The following KRABD5 variants were observed in gnomAD, a reference collection of about 807,000 sequenced individuals.
KRABD5 encodes KRAB domain containing 5.
At chr16:31,736,442 T>C in the KRABD5 span, among the ~76,000 whole-genome samples, 1 of 151,160 alleles carries the variant, frequency 6.6e-6, no homozygotes, top group East Asian at 1.9e-4. Flanking sequence ...TTGTGAAGAA[T>C]GTCATTGGTA....
the KRABD5 span, among the ~76,000 whole-genome samples, chr16:31,739,782 A>G: frequency 6.6e-6 from 1 of 152,302 alleles, no homozygotes; most frequent in East Asian, 1.9e-4. Flanking sequence ...CATGTTCGTG[A>G]TGGCCATAAC....
At chr16:31,727,544 C>T in the KRABD5 span, among the ~76,000 whole-genome samples, 1 of 152,112 alleles carries the variant, frequency 6.6e-6, no homozygotes, top group Non-Finnish European at 1.5e-5. Flanking sequence ...TGTTTTTTCC[C>T]TTCAATTTTT....
chr16:31,752,338 T>C, the KRABD5 span, among the ~76,000 whole-genome samples: 1 of 152,194 alleles, frequency 6.6e-6, no homozygotes, highest in Non-Finnish European at 1.5e-5. Context: ...TCTTTGTGAA[T>C]TTTCTGCCTC....
At chr16:31,758,209 A>T in the KRABD5 span, 2 of 152,322 alleles carry the variant, frequency 1.3e-5, no homozygotes, top group South Asian at 4.1e-4. Context: ...CCAACCTGAA[A>T]GACCTCCCAA....
the KRABD5 span, among the ~76,000 whole-genome samples, chr16:31,743,348 A>C: frequency 6.6e-6 from 1 of 152,172 alleles, no homozygotes; most frequent in Non-Finnish European, 1.5e-5. Flanking sequence ...ATGGCTAGTC[A>C]GTTTTCCCAG....
At chr16:31,744,903 T>C in the KRABD5 span, among the ~76,000 whole-genome samples, 1 of 152,226 alleles carries the variant, frequency 6.6e-6, no homozygotes, top group Non-Finnish European at 1.5e-5. Flanking sequence ...TTTTCTAGTT[T>C]ACTTGTGTAG....
At chr16:31,750,640 C>T in the KRABD5 span, among the ~76,000 whole-genome samples, 1 of 151,808 alleles carries the variant, frequency 6.6e-6, no homozygotes, top group African/African-American at 2.4e-5. Flanking sequence ...TTTGCTTTGT[C>T]AGTGTGTTGG....
At chr16:31,758,514 C>T in the KRABD5 span, 1 of 146,660 alleles carries the variant, frequency 6.8e-6, no homozygotes, top group African/African-American at 2.5e-5. Flanking sequence ...TGGCACATGC[C>T]TGTAATCCTA....
the KRABD5 span, chr16:31,714,284 A>G: frequency 4.3e-5 from 19 of 444,812 alleles, no homozygotes; most frequent in South Asian, 2.6e-4. Context: ...CTGTTGAAGT[A>G]TAAAGTGTAA....
chr16:31,723,482 T>C, the KRABD5 span: 2 of 861,126 alleles, frequency 2.3e-6, no homozygotes, highest in African/African-American at 3.5e-5. Context: ...GGTTTATTTC[T>C]TTCTCTTGCT....
chr16:31,740,068 A>G, the KRABD5 span, among the ~76,000 whole-genome samples: 1,061 of 152,332 alleles, frequency 7.0e-3, 5 homozygotes, highest in Middle Eastern at 0.02. Flanking sequence ...CTTGCTGTCA[A>G]TAAATATGTG....
chr16:31,713,445 C>T, the KRABD5 span: 2 of 1,603,636 alleles, frequency 1.2e-6, no homozygotes, highest in African/African-American at 1.3e-5. Context: ...GGTGAATGTG[C>T]CAGGTCGGGG....
the KRABD5 span, among the ~76,000 whole-genome samples, chr16:31,747,772 G>C: frequency 6.6e-6 from 1 of 152,182 alleles, no homozygotes; most frequent in African/African-American, 2.4e-5. Context: ...GTGGCTTTTG[G>C]CTGCATAAAT....
chr16:31,749,849 G>C, the KRABD5 span, among the ~76,000 whole-genome samples: 18 of 152,098 alleles, frequency 1.2e-4, no homozygotes, highest in Non-Finnish European at 2.5e-4. Context: ...TTTTCGATGG[G>C]AGCCTCCGAA....
At chr16:31,756,515 G>C in the KRABD5 span, 2 of 152,056 alleles carry the variant, frequency 1.3e-5, no homozygotes, top group Non-Finnish European at 2.9e-5. Context: ...ACTCATATCT[G>C]AAAGATTATA....
chr16:31,727,479 T>TCTTGTACTTATATACCCA, the KRABD5 span, among the ~76,000 whole-genome samples: 1 of 152,244 alleles, frequency 6.6e-6, no homozygotes, highest in Non-Finnish European at 1.5e-5. Context: ...GAGGAGCAGT[T>TCTTGTACTTATATACCCA]CTGCAGTCAT....
the KRABD5 span, chr16:31,758,416 AAT>A: frequency 6.6e-6 from 1 of 152,194 alleles, no homozygotes; most frequent in Non-Finnish European, 1.5e-5. Context: ...ACATCACAGT[AAT>A]AATTACCATA....
the KRABD5 span, chr16:31,733,766 G>A: frequency 8.0e-6 from 3 of 374,856 alleles, no homozygotes; most frequent in African/African-American, 6.3e-5. Flanking sequence ...TTGTGTATGT[G>A]TGCCACATTT....
the KRABD5 span, chr16:31,754,289 C>G: frequency 3.5e-5 from 22 of 622,846 alleles, no homozygotes; most frequent in Admixed American, 6.2e-4. Flanking sequence ...ACAAATAACA[C>G]CTCGTTCTGC....
Sources: gnomAD v4.1 joint callset for allele counts (sites outside exome capture counted in the v4.1 genomes callset) on GRCh38, gnomAD v4.1.1 for gene constraint, MANE v1.5 for transcripts, NCBI Gene and HGNC (gene_info 2026-07-23, HGNC 2026-07-21) for gene names.